SLIT3: variants seen among roughly 807,000 people sequenced by gnomAD.
SLIT3 encodes slit homolog 3 protein.
SLIT3 carries 68 observed loss-of-function variants against 184.0 expected under a neutral mutation model. The observed-to-expected ratio is 0.37, with a 90% CI of 0.30 to 0.45. SLIT3 has a LOEUF of 0.45. Among genes scored for constraint, SLIT3 ranks in the 20% least tolerant of loss-of-function variants. SLIT3 has a pLI of 1.00. For missense variants in SLIT3, 1,707 were observed against 2,026.0 expected (o/e 0.84, Z 3.02); for synonymous variants, 831 against 828.6 (o/e 1.00, Z -0.05).
chr5:169,083,619 T>G (rs535382541), intron 4 of SLIT3, among the ~76,000 whole-genome samples: 2 of 152,316 alleles, frequency 1.3e-5, no homozygotes. Flanking sequence ...CAGAGTTTAA[T>G]TAGCCATCTA....
At chr5:169,142,066 TAAAAATAAAAATAA>T (rs1415275899) in intron 4 of SLIT3, among the ~76,000 whole-genome samples, 21 of 63,846 alleles carry the variant, frequency 3.3e-4, no homozygotes, top group African/African-American at 2.3e-3. Flanking sequence ...AAAATAAAAA[TAAAAATAAAAATAA>T]AAATAAATAA....
intron 4 of SLIT3, among the ~76,000 whole-genome samples, chr5:169,098,363 T>G (rs1355276975): frequency 6.6e-6 from 1 of 152,140 alleles, no homozygotes; most frequent in Admixed American, 6.5e-5. Context: ...ATAAGCACAT[T>G]TTTGGCCTAG....
intron 1 of SLIT3, among the ~76,000 whole-genome samples, chr5:169,275,119 G>T (rs1465618582): frequency 1.3e-4 from 20 of 152,192 alleles, no homozygotes; most frequent in Admixed American, 1.3e-3. Flanking sequence ...ACACAAAATG[G>T]TTGTTACGTG....
At chr5:169,251,771 C>T (rs56826600) in intron 1 of SLIT3, among the ~76,000 whole-genome samples, 1 of 152,176 alleles carries the variant, frequency 6.6e-6, no homozygotes, top group African/African-American at 2.4e-5. Context: ...GGGGCTGACC[C>T]CTCTTTCCAG....
At chr5:168,805,282 A>G (rs915100701) in intron 9 of SLIT3, among the ~76,000 whole-genome samples, 19 of 152,006 alleles carry the variant, frequency 1.2e-4, no homozygotes, top group African/African-American at 4.6e-4. Context: ...ATTGGAATGC[A>G]TTGGGAACAG....
intron 3 of SLIT3, among the ~76,000 whole-genome samples, chr5:169,233,716 G>A (rs888976993): frequency 2.0e-5 from 3 of 152,110 alleles, no homozygotes; most frequent in Non-Finnish European, 4.4e-5. Flanking sequence ...TTAAATAATG[G>A]CACTTAAATT....
chr5:169,075,778 T>C (rs1321773839), intron 4 of SLIT3, among the ~76,000 whole-genome samples: 1 of 152,248 alleles, frequency 6.6e-6, no homozygotes, highest in Non-Finnish European at 1.5e-5. Flanking sequence ...TCTTCTGTGC[T>C]TCTCTTTCGG....
At chr5:169,140,480 C>CAAAAAA (rs34881862) in intron 4 of SLIT3, among the ~76,000 whole-genome samples, 9 of 46,922 alleles carry the variant, frequency 1.9e-4, no homozygotes, top group Admixed American at 7.1e-4. Context: ...AACTCTAACT[C>CAAAAAA]AAAAAAAAAA....
At chr5:168,975,218 C>T (rs7713144) in intron 4 of SLIT3, among the ~76,000 whole-genome samples, 29,872 of 151,944 alleles carry the variant, frequency 0.2, 3,119 homozygotes, top group South Asian at 0.33. Context: ...GTAAAGTGGA[C>T]GCAAGACTCA....
chr5:169,149,559 G>A (rs1454899030), intron 4 of SLIT3, among the ~76,000 whole-genome samples: 1 of 152,162 alleles, frequency 6.6e-6, no homozygotes, highest in Non-Finnish European at 1.5e-5. Context: ...CAAAGAAACT[G>A]GGAGGGGAAA....
At chr5:168,909,383 CA>C (rs1439545685) in intron 4 of SLIT3, among the ~76,000 whole-genome samples, 2 of 152,126 alleles carry the variant, frequency 1.3e-5, no homozygotes, top group Non-Finnish European at 2.9e-5. Flanking sequence ...TCCAGATATC[CA>C]TCAATTTAGG....
At chr5:169,179,181 C>G (rs1763071335) in intron 4 of SLIT3, among the ~76,000 whole-genome samples, 1 of 151,010 alleles carries the variant, frequency 6.6e-6, no homozygotes, top group Admixed American at 6.6e-5. Flanking sequence ...AGAGGTCTTT[C>G]AAACAACCTC....
At chr5:168,721,078 C>T (rs545485329) in intron 23 of SLIT3, among the ~76,000 whole-genome samples, 8 of 152,156 alleles carry the variant, frequency 5.3e-5, no homozygotes, top group South Asian at 2.1e-4. Flanking sequence ...AAAGGTTAGA[C>T]GAAGAAAACT....
At chr5:168,711,647 G>C (rs1762564525) in intron 24 of SLIT3, among the ~76,000 whole-genome samples, 1 of 152,134 alleles carries the variant, frequency 6.6e-6, no homozygotes, top group Non-Finnish European at 1.5e-5. Context: ...TATGCATATA[G>C]AAGGAATACA....
At chr5:169,104,603 G>A (rs185526181) in intron 4 of SLIT3, among the ~76,000 whole-genome samples, 4 of 152,258 alleles carry the variant, frequency 2.6e-5, no homozygotes, top group East Asian at 3.9e-4. Context: ...GAGCACAGGC[G>A]TTCATTCCAC....
At chr5:168,945,720 T>C (rs1049079333) in intron 4 of SLIT3, among the ~76,000 whole-genome samples, 10 of 152,240 alleles carry the variant, frequency 6.6e-5, no homozygotes, top group African/African-American at 2.4e-4. Context: ...GCTTTAGGGC[T>C]AAACTCGGGT....
chr5:168,880,783 C>G (rs946858198), intron 5 of SLIT3, among the ~76,000 whole-genome samples: 2 of 152,244 alleles, frequency 1.3e-5, no homozygotes, highest in Admixed American at 1.3e-4. Context: ...ACCGCCAAAA[C>G]CATGCTTCTA....
chr5:169,269,208 G>A (rs763130865), intron 1 of SLIT3, among the ~76,000 whole-genome samples: 1 of 152,192 alleles, frequency 6.6e-6, no homozygotes, highest in Non-Finnish European at 1.5e-5. Flanking sequence ...ACCCAGGGAA[G>A]AACTAGGGAG....
At chr5:168,809,859 T>C (rs1359382441) in intron 8 of SLIT3, among the ~76,000 whole-genome samples, 1 of 152,168 alleles carries the variant, frequency 6.6e-6, no homozygotes, top group African/African-American at 2.4e-5. Flanking sequence ...GGAAGCTTCC[T>C]GAGTTTTGAG....
Sources: allele counts gnomAD v4.1 joint callset (sites outside exome capture counted in the v4.1 genomes callset), GRCh38; gene constraint gnomAD v4.1.1; transcripts MANE v1.5; gene names NCBI Gene and HGNC (gene_info 2026-07-23, HGNC 2026-07-21).